Variants in PCDHA5 observed in about 807,000 individuals in gnomAD.
PCDHA5 encodes the protein protocadherin alpha 5.
In PCDHA5, 43 loss-of-function variants were observed where a neutral mutation model predicts 61.6. The observed-to-expected ratio is 0.70, with a 90% CI of 0.55 to 0.90. PCDHA5 has a LOEUF of 0.90. Ranked by LOEUF, PCDHA5 falls within the 40% of genes least tolerant of loss-of-function variation. The pLI, the probability that PCDHA5 is intolerant of heterozygous loss-of-function variation, is 0.00. For missense variants in PCDHA5, 1,298 were observed against 1,222.7 expected, an observed-to-expected ratio of 1.06 and a Z score of -0.92; for synonymous variants, 627 against 543.9, an observed-to-expected ratio of 1.15 and a Z score of -2.13.
chr5:140,902,191 C>G (rs1218204978), intron 1 of PCDHA5, among the ~76,000 whole-genome samples: 1 of 147,360 alleles, frequency 6.8e-6, no homozygotes, highest in Non-Finnish European at 1.5e-5. Context: ...TGTCTTCTCT[C>G]TCTCTCTCTT....
chr5:140,822,944 C>T lies in PCDHA5; in HGVS notation c.1169C>T (p.Pro390Leu), dbSNP rs2150120585. The T allele has an allele frequency of 1.2e-6, 2 of 1,614,240 alleles. No individual in the cohort carries two copies. Among genetic ancestry groups the T allele is most frequent in the South Asian group, 1.1e-5 (1 of 91,088 alleles). ...GGGCAGGTGACCTGCTCCCTAATGCCCCACGTTCCCTTCAAGCTGGTGTCC... is the reference window on the plus strand; with the variant it reads ...GGGCAGGTGACCTGCTCCCTAATGCTCCACGTTCCCTTCAAGCTGGTGTCC... ...ANGQVTCSLM[P>L]HVPFKLVSTF... The change falls in exon 1 of 4, where the codon CCC becomes CTC. Residue 390 changes from proline to leucine, a missense_variant. Coordinates refer to ENST00000529859, the MANE Select transcript of PCDHA5 (RefSeq NM_018908.3).
intron 1 of PCDHA5, chr5:140,856,305 A>G (rs782323132): frequency 1.9e-6 from 3 of 1,598,594 alleles, no homozygotes; most frequent in Non-Finnish European, 2.6e-6. Flanking sequence ...TTGTTTGTGA[A>G]TTCTCGGATT....
chr5:140,823,721 T>C lies in PCDHA5; in HGVS notation c.1946T>C (p.Leu649Pro). Reference protein sequence around the residue: ...TEAPRHRLLVLVKDHGEPPLT... With the variant: ...TEAPRHRLLVPVKDHGEPPLT... ...GCACCGCGCCACCGCCTTCTGGTGC[T>C]GGTGAAGGACCATGGAGAGCCCCCG... Residue 649 changes from leucine to proline, a missense_variant, in exon 1 of 4, where the codon CTG (leucine) becomes CCG (proline). Leu to Pro is a moderately conservative substitution (Grantham distance 98). Transcript: ENST00000529859. 6.2e-7 allele frequency: 1 copy of C among 1,613,916 alleles called. No individual in the cohort carries two copies. Among genetic ancestry groups the C allele is most frequent in the African/African-American group, 1.3e-5 (1 of 75,062 alleles).
At chr5:140,830,806 AT>A (rs1554133024) in intron 1 of PCDHA5, 1 of 158,086 alleles carries the variant, frequency 6.3e-6, no homozygotes, top group African/African-American at 2.4e-5. Flanking sequence ...TGGGATTTTC[AT>A]TTGTTTGCCT....
intron 1 of PCDHA5, among the ~76,000 whole-genome samples, chr5:140,826,336 T>G (rs1768901629): frequency 6.6e-6 from 1 of 152,166 alleles, no homozygotes; most frequent in Non-Finnish European, 1.5e-5. Context: ...GTTAAGAAAT[T>G]GAACCCTTTG....
chr5:140,966,971 C>T lies in PCDHA5; in HGVS notation c.2353-11978C>T, dbSNP rs375161984. On this transcript the variant is annotated intron_variant, in intron 1 of 3. Coordinates refer to ENST00000529859, the MANE Select transcript of PCDHA5 (RefSeq NM_018908.3). ...CGTGGCTCGCGCGCTGGGGCTTGAG[C>T]TGCGGCGCTTGGGGCCGGGTTGCTT... 13 of 1,602,690 alleles carry T rather than the reference C, an allele frequency of 8.1e-6. No homozygotes were observed. The African/African-American group carries it at 1.7e-4, about 21-fold the overall frequency.
chr5:140,876,148 G>A, intron 1 of PCDHA5: 1 of 1,613,954 alleles, frequency 6.2e-7, no homozygotes, highest in East Asian at 2.2e-5. Context: ...AACAGGGTCT[G>A]TCCAGATTCA....
chr5:140,867,991 T>G (rs1379820729), intron 1 of PCDHA5: 8 of 152,164 alleles, frequency 5.3e-5, no homozygotes, highest in Non-Finnish European at 8.8e-5. Flanking sequence ...ACTATTTTCA[T>G]GAATATAACT....
At position 141,007,395 on chromosome 5, in the gene PCDHA5, C is replaced by CA. The variant is rs35800918; in HGVS notation, c.2501-2209dup. 5.3e-3 allele frequency among the ~76,000 whole-genome samples: 498 copies of CA among 94,810 alleles called. 4 individuals carry two copies. The highest frequency in any genetic ancestry group is 0.049 in the East Asian group (166 of 3,398). 62.2% of individuals were successfully genotyped at this position (94,810 alleles called of 152,430 possible). On this transcript the variant is annotated intron_variant, in intron 3 of 3. Transcript: ENST00000529859. The stretch of plus-strand genomic sequence containing the variant: ...ATGGAACACCATCTCTACTAAAATA[C>CA]AAAAAAAAAAAAAAAAAAAAAAATT...
At chr5:140,905,990 G>A (rs569951946) in intron 1 of PCDHA5, among the ~76,000 whole-genome samples, 5 of 152,280 alleles carry the variant, frequency 3.3e-5, no homozygotes, top group Admixed American at 1.3e-4. Flanking sequence ...GAAAGATGTA[G>A]GCTGGGAGGC....
chr5:140,914,777 C>T (rs1476693090), intron 1 of PCDHA5, among the ~76,000 whole-genome samples: 1 of 151,924 alleles, frequency 6.6e-6, no homozygotes, highest in Non-Finnish European at 1.5e-5. Flanking sequence ...TATGACTTAT[C>T]TTATGACCCA....
intron 3 of PCDHA5, among the ~76,000 whole-genome samples, chr5:141,001,134 T>A (rs370176335): frequency 4.7e-4 from 72 of 152,158 alleles, no homozygotes; most frequent in African/African-American, 1.7e-3. Context: ...AACAAATGAA[T>A]CTTCTGTTGC....
At chr5:140,834,343 G>A in intron 1 of PCDHA5, 2 of 1,517,652 alleles carry the variant, frequency 1.3e-6, no homozygotes, top group South Asian at 1.3e-5. Context: ...TAAATTCGAA[G>A]GCAAGTTTTG....
chr5:140,929,694 A>G, intron 1 of PCDHA5: 1 of 270,028 alleles, frequency 3.7e-6, no homozygotes, highest in Non-Finnish European at 7.3e-6. Flanking sequence ...AGTCTGCTTT[A>G]TATGAATATA....
chr5:140,866,304 A>G (rs898524631), intron 1 of PCDHA5: 16 of 152,138 alleles, frequency 1.1e-4, no homozygotes, highest in African/African-American at 3.6e-4. Flanking sequence ...AGATGTTGAT[A>G]TTATTATTTC....
intron 1 of PCDHA5, among the ~76,000 whole-genome samples, chr5:140,921,856 G>A (rs2080440097): frequency 6.6e-6 from 1 of 151,824 alleles, no homozygotes; most frequent in Non-Finnish European, 1.5e-5. Flanking sequence ...AGATGTGTGT[G>A]TATATATACA....
At chr5:140,968,189 T>C (rs181004208) in intron 1 of PCDHA5, 2 of 1,614,034 alleles carry the variant, frequency 1.2e-6, no homozygotes, top group Middle Eastern at 1.6e-4. Flanking sequence ...GGACTCCTAT[T>C]CCATCTACAT....
intron 1 of PCDHA5, among the ~76,000 whole-genome samples, chr5:140,886,827 GAAAAAAAAAA>G (rs782016620): frequency 1.6e-5 from 1 of 60,890 alleles, no homozygotes; most frequent in East Asian, 5.7e-4. Flanking sequence ...ACTTCGTCTT[GAAAAAAAAAA>G]AAAAAAAAAA....
rs2150348656 is a variant in PCDHA5, at chr5:140,842,958, G to A, written c.2352+18831G>A. On this transcript the variant is annotated intron_variant, in intron 1 of 3. Transcript: ENST00000529859. ...CGCGACGCGGGCGTGCCGCCTCTGG[G>A]CAGCAACGTGACGCTGCAGGTGTTC... 1.4e-5 allele frequency: 22 copies of A among 1,594,922 alleles called. 1 individual carries two copies. The South Asian group carries it at 2.2e-4, about 16-fold the overall frequency.
Sources: allele counts gnomAD v4.1 joint callset (sites outside exome capture counted in the v4.1 genomes callset), GRCh38; gene constraint gnomAD v4.1.1; transcripts MANE v1.5; gene names NCBI Gene and HGNC (gene_info 2026-07-23, HGNC 2026-07-21).